The following SHQ1 variants were observed in gnomAD, a reference collection of about 807,000 sequenced individuals.
SHQ1 encodes the protein SHQ1, H/ACA ribonucleoprotein assembly factor, also known as protein SHQ1 homolog.
A neutral mutation model predicts 53.8 loss-of-function variants in SHQ1; 49 were observed. The observed-to-expected ratio is 0.91, with a 90% CI of 0.72 to 1.16. SHQ1 has a LOEUF of 1.16. Among genes scored for constraint, SHQ1 ranks in the 50% most tolerant of loss-of-function variants. The probability of loss-of-function intolerance (pLI) is 0.00; values close to 1 mark genes in which losing one functional copy is unlikely to be tolerated. For missense variants in SHQ1, 738 were observed against 683.1 expected (o/e 1.08, Z -0.90); for synonymous variants, 243 against 251.0 (o/e 0.97, Z 0.30).
chr3:72,778,957 T>TCC (rs911289535), intron 10 of SHQ1, among the ~76,000 whole-genome samples: 13 of 152,182 alleles, frequency 8.5e-5, no homozygotes, highest in African/African-American at 3.1e-4. Flanking sequence ...TTCCTAAAAA[T>TCC]CCTAATTCCC....
intron 10 of SHQ1, among the ~76,000 whole-genome samples, chr3:72,760,906 A>C (rs904726785): frequency 7.9e-5 from 12 of 152,204 alleles, no homozygotes; most frequent in African/African-American, 2.7e-4. Context: ...AAATATATCA[A>C]GGTTTTAAAA....
At chr3:72,771,321 C>G (rs142750652) in intron 10 of SHQ1, among the ~76,000 whole-genome samples, 2 of 152,304 alleles carry the variant, frequency 1.3e-5, no homozygotes, top group East Asian at 3.9e-4. Flanking sequence ...CAGGAAATAA[C>G]CTAGGTGACA....
intron 10 of SHQ1, among the ~76,000 whole-genome samples, chr3:72,756,855 A>G (rs1398610743): frequency 6.6e-6 from 1 of 152,246 alleles, no homozygotes; most frequent in Non-Finnish European, 1.5e-5. Flanking sequence ...TGCTACATGT[A>G]ACTACCACGA....
In SHQ1 at chr3:72,750,235, G is replaced by T; in HGVS notation, c.*49C>A. 7.1e-7 allele frequency: 1 copy of T among 1,399,906 alleles called. No homozygotes were observed. Among genetic ancestry groups the T allele is most frequent in the Non-Finnish European group, 9.8e-7 (1 of 1,021,288 alleles). The allele number at this position is 1,399,906 out of a possible 1,614,324, so 86.7% of individuals were successfully genotyped here. ...AATGAAGAATTCTCATTCGGTAAAT[G>T]AAACCCAATCTACCATATTTCTCAA... On this transcript the variant is annotated 3_prime_UTR_variant, in exon 11 of 11. Coordinates refer to ENST00000325599, the MANE Select transcript of SHQ1 (RefSeq NM_018130.3).
At position 72,750,692 on chromosome 3, in the gene SHQ1, A is replaced by T; in HGVS notation, c.1326T>A (p.Val442=). 1 of 1,599,194 alleles carries T rather than the reference A, an allele frequency of 6.3e-7. No individual in the cohort carries two copies. Among genetic ancestry groups the T allele is most frequent in the Non-Finnish European group, 8.5e-7 (1 of 1,171,930 alleles). The change falls in exon 11 of 11, where the codon GTT becomes GTA. Residue 442 remains valine, a synonymous_variant. Coordinates refer to ENST00000325599, the MANE Select transcript of SHQ1 (RefSeq NM_018130.3). ...EETALKAAHS[V]SGQQTLCSSS... is the part of the protein sequence containing the mutation. ...TGGAGCAAAGTGTCTGCTGCCCAGA[A>T]ACTGAATGGGCTGCTTTTAATGCAG...
intron 10 of SHQ1, among the ~76,000 whole-genome samples, chr3:72,775,579 A>G (rs1295602490): frequency 6.6e-6 from 1 of 151,852 alleles, no homozygotes; most frequent in Non-Finnish European, 1.5e-5. Flanking sequence ...TCAGGAAAGG[A>G]CAGTACAATA....
chr3:72,792,352 CATACCA>C (rs1706464638), intron 10 of SHQ1, among the ~76,000 whole-genome samples: 1 of 152,200 alleles, frequency 6.6e-6, no homozygotes, highest in African/African-American at 2.4e-5. Flanking sequence ...TTTTCCAGGA[CATACCA>C]ATACCAATTT....
chr3:72,795,505 G>A (rs1442087891), intron 9 of SHQ1: 2 of 152,152 alleles, frequency 1.3e-5, no homozygotes, highest in Non-Finnish European at 2.9e-5. Context: ...AAAGAATCAA[G>A]GAACAACTGA....
the SHQ1 span, among the ~76,000 whole-genome samples, chr3:72,734,726 T>C: frequency 2.0e-5 from 3 of 151,674 alleles, no homozygotes; most frequent in Non-Finnish European, 4.4e-5. Flanking sequence ...GCTGTGAACA[T>C]TATGAATACA....
chr3:72,790,406 T>C (rs140484963), intron 10 of SHQ1, among the ~76,000 whole-genome samples: 123 of 152,320 alleles, frequency 8.1e-4, no homozygotes, highest in African/African-American at 2.8e-3. Context: ...TACCTGGTAT[T>C]TCAAACAAAA....
chr3:72,826,912 G>A (rs1477098637), intron 5 of SHQ1, among the ~76,000 whole-genome samples: 2 of 152,190 alleles, frequency 1.3e-5, no homozygotes, highest in African/African-American at 4.8e-5. Context: ...TTTTTACATA[G>A]GGGAATGACA....
intron 10 of SHQ1, chr3:72,772,866 A>C (rs1705884532): frequency 2.6e-6 from 2 of 777,514 alleles, no homozygotes. Flanking sequence ...CAAAATGGGA[A>C]GCTGTGGACA....
In SHQ1 at chr3:72,782,520, G is replaced by A. The variant is rs532887463; in HGVS notation, c.1181+10396C>T. 1.1e-3 allele frequency among the ~76,000 whole-genome samples: 168 copies of A among 152,280 alleles called. 1 individual carries two copies. Among genetic ancestry groups the A allele is most frequent in the African/African-American group, 3.5e-3 (146 of 41,550 alleles). ...TTCTATTTATTAAAGAAAGTAGTCA[G>A]AGCAGGAAATGGGACAAGTCAAATG... On this transcript the variant is annotated intron_variant, in intron 10 of 10. Transcript: ENST00000325599.
chr3:72,751,539 T>TATATATATATATATATATATAC (rs1456991894), intron 10 of SHQ1, among the ~76,000 whole-genome samples: 1 of 120,160 alleles, frequency 8.3e-6, no homozygotes, highest in African/African-American at 3.7e-5. Context: ...TACATATACA[T>TATATATATATATATATATATAC]ACACTAATAA....
chr3:72,832,691 T>C (rs1028303339), intron 4 of SHQ1, among the ~76,000 whole-genome samples: 4 of 152,204 alleles, frequency 2.6e-5, no homozygotes, highest in African/African-American at 9.6e-5. Flanking sequence ...AATTATCTCA[T>C]TTAATCCTTA....
intron 5 of SHQ1, among the ~76,000 whole-genome samples, chr3:72,831,973 A>T (rs1274527664): frequency 6.6e-6 from 1 of 152,250 alleles, no homozygotes; most frequent in Non-Finnish European, 1.5e-5. Context: ...ATCAGCCAAG[A>T]AATGTGGTAC....
rs372032885 is a variant in SHQ1, at chr3:72,833,716, C to T, written c.487-1235G>A. 5.3e-5 allele frequency among the ~76,000 whole-genome samples: 8 copies of T among 152,286 alleles called. No individual in the cohort carries two copies. In the South Asian group the frequency reaches 1.7e-3, roughly 32 times the overall value. Reference sequence around the variant, plus strand: ...TGGAACATGTTTCCCAAGCCAAATCCTACAGAATAAATGGACATTAGGAAA... The same window carrying T: ...TGGAACATGTTTCCCAAGCCAAATCTTACAGAATAAATGGACATTAGGAAA... On this transcript the variant is annotated intron_variant, in intron 4 of 10. Transcript: ENST00000325599.
At position 72,799,962 on chromosome 3, in the gene SHQ1, C is replaced by T. The variant is rs546927304; in HGVS notation, c.1061-6926G>A. On this transcript the variant is annotated intron_variant, in intron 9 of 10. Coordinates refer to ENST00000325599, the MANE Select transcript of SHQ1 (RefSeq NM_018130.3). ...GCTGGTTTAAGGTTCCCTCATATAC[C>T]TGACATACCCCTCTATTACAGTAGT... Among the ~76,000 whole-genome samples the T allele has an allele frequency of 9.2e-5, 14 of 152,228 alleles. No homozygotes were observed. In the East Asian group the frequency reaches 1.9e-3, roughly 21 times the overall value.
chr3:72,733,435 A>G, the SHQ1 span, among the ~76,000 whole-genome samples: 3 of 147,520 alleles, frequency 2.0e-5, no homozygotes, highest in Admixed American at 1.3e-4. Context: ...CAAAATAATG[A>G]AAAAAAACCA....
Sources: gnomAD v4.1 joint callset for allele counts (sites outside exome capture counted in the v4.1 genomes callset) on GRCh38, gnomAD v4.1.1 for gene constraint, MANE v1.5 for transcripts, NCBI Gene and HGNC (gene_info 2026-07-23, HGNC 2026-07-21) for gene names.